The following KAZN variants were observed in gnomAD, a reference collection of about 807,000 sequenced individuals.
The protein encoded by KAZN is kazrin, periplakin interacting protein.
In KAZN, 40 loss-of-function variants were observed where a neutral mutation model predicts 87.4. That is an observed-to-expected ratio of 0.46 (90% CI 0.36 to 0.60). KAZN has a LOEUF of 0.60. KAZN is among the 20% of genes least tolerant of loss of function. The pLI is 0.00. For missense variants in KAZN, 898 were observed against 1,073.9 expected (o/e 0.84, Z 2.29); for synonymous variants, 466 against 458.3 (o/e 1.02, Z -0.22).
At chr1:15,071,183 C>T (rs926260885) in intron 8 of KAZN, among the ~76,000 whole-genome samples, 10 of 152,240 alleles carry the variant, frequency 6.6e-5, no homozygotes, top group African/African-American at 2.4e-4. Flanking sequence ...TAAAATGTCC[C>T]CCTGTGGGCA....
At chr1:15,002,909 G>A (rs1222029994) in intron 2 of KAZN, among the ~76,000 whole-genome samples, 1 of 152,034 alleles carries the variant, frequency 6.6e-6, no homozygotes. Flanking sequence ...TCAGGAGGTG[G>A]AGGTTACAGC....
chr1:14,744,629 G>A lies in KAZN; in HGVS notation c.226+145406G>A, dbSNP rs151063049. On this transcript the variant is annotated intron_variant, in intron 1 of 14. Transcript: ENST00000376030. Reference sequence around the variant, plus strand: ...CATGTGCCTGTAGTCCCAGCTACTCGGGAGGCTGAGGCAGGAAGATCACTT... The same window carrying A: ...CATGTGCCTGTAGTCCCAGCTACTCAGGAGGCTGAGGCAGGAAGATCACTT... Among the ~76,000 whole-genome samples, 359 of 152,190 alleles carry A rather than the reference G, an allele frequency of 2.4e-3. 1 individual carries two copies. Among genetic ancestry groups the A allele is most frequent in the Non-Finnish European group, 2.4e-3 (163 of 67,996 alleles).
At position 14,750,132 on chromosome 1, in the gene KAZN, C is replaced by T. The variant is rs76816786; in HGVS notation, c.226+150909C>T. Among the ~76,000 whole-genome samples the T allele has an allele frequency of 1.8e-4, 28 of 152,154 alleles. No individual in the cohort carries two copies. The East Asian group carries it at 2.3e-3, about 13-fold the overall frequency. On this transcript the variant is annotated intron_variant, in intron 1 of 14. Transcript: ENST00000376030. ...GCGGCCATTGTGAGAAGCTGGGTAA[C>T]GGGCACAGGGTACCTCTCTGGGCTA...
At chr1:14,767,884 A>G (rs1264335867) in intron 1 of KAZN, among the ~76,000 whole-genome samples, 1 of 152,226 alleles carries the variant, frequency 6.6e-6, no homozygotes, top group Non-Finnish European at 1.5e-5. Context: ...ACAGGACTGC[A>G]GAGGGGAAAA....
chr1:14,256,349 C>A (rs1055438458), intron 2 of KAZN, among the ~76,000 whole-genome samples: 1 of 151,980 alleles, frequency 6.6e-6, no homozygotes, highest in Non-Finnish European at 1.5e-5. Context: ...ATATTACCCA[C>A]CCCCGCAACT....
intron 2 of KAZN, among the ~76,000 whole-genome samples, chr1:14,355,014 T>A (rs1181005173): frequency 6.6e-6 from 1 of 151,898 alleles, no homozygotes; most frequent in Admixed American, 6.6e-5. Context: ...TACTGAGCAA[T>A]TAAAAAAAAG....
At chr1:14,278,874 G>A (rs1303861924) in intron 2 of KAZN, among the ~76,000 whole-genome samples, 1 of 139,564 alleles carries the variant, frequency 7.2e-6, no homozygotes, top group Non-Finnish European at 1.5e-5. Context: ...TCCCTCCTCT[G>A]TATTTTCTGT....
chr1:14,743,429 CA>C (rs34732365), intron 1 of KAZN, among the ~76,000 whole-genome samples: 320 of 135,412 alleles, frequency 2.4e-3, no homozygotes, highest in East Asian at 4.6e-3. Flanking sequence ...GACTCTGTCT[CA>C]AAAAAAAAAA....
rs1670613389 is a variant in KAZN, at chr1:15,021,012, GTC to G, written c.419-13733_419-13732del. On this transcript the variant is annotated intron_variant, in intron 2 of 14. Transcript: ENST00000376030. The surrounding 1 kb of genome is among the most constrained non-coding windows in gnomAD (Gnocchi z 4.2). ...CATCTGCCTTCAACAACCCTGCTGT[GTC>G]TCTGTTACGCAGCAGGGGTGAGACC... 6.6e-6 allele frequency among the ~76,000 whole-genome samples: 1 copy of G among 152,184 alleles called. No homozygotes were observed. Among genetic ancestry groups the G allele is most frequent in the East Asian group, 1.9e-4 (1 of 5,196 alleles).
At chr1:14,324,276 C>A (rs1434327741) in intron 2 of KAZN, among the ~76,000 whole-genome samples, 2 of 152,194 alleles carry the variant, frequency 1.3e-5, no homozygotes, top group African/African-American at 4.8e-5. Flanking sequence ...TGGGTTATGG[C>A]AGCACCTAAA....
intron 2 of KAZN, among the ~76,000 whole-genome samples, chr1:14,545,709 G>A (rs75516061): frequency 0.019 from 2,877 of 152,246 alleles, 36 homozygotes; most frequent in Non-Finnish European, 0.029. Flanking sequence ...CTACATGCTC[G>A]TCCAGGTAGA....
intron 2 of KAZN, among the ~76,000 whole-genome samples, chr1:14,215,939 AC>A (rs1169317239): frequency 6.6e-6 from 1 of 152,234 alleles, no homozygotes; most frequent in Non-Finnish European, 1.5e-5. Context: ...CCCAGCTAAA[AC>A]ATACTATATT....
At chr1:15,067,643 T>C (rs1318502002) in intron 8 of KAZN, 3 of 985,446 alleles carry the variant, frequency 3.0e-6, no homozygotes, top group Non-Finnish European at 3.6e-6. Flanking sequence ...TCAGAAGGCA[T>C]AGGACATTGT....
intron 4 of KAZN, among the ~76,000 whole-genome samples, chr1:15,054,421 G>A (rs1464596536): frequency 1.3e-5 from 2 of 152,032 alleles, no homozygotes; most frequent in Non-Finnish European, 1.5e-5. Context: ...AGGCCAAGGC[G>A]GGTGGATCAC....
intron 1 of KAZN, among the ~76,000 whole-genome samples, chr1:13,995,988 A>T (rs924305847): frequency 2.0e-5 from 3 of 152,214 alleles, no homozygotes; most frequent in Admixed American, 1.3e-4. Context: ...AACCATAATA[A>T]GCATGTGAAT....
intron 2 of KAZN, among the ~76,000 whole-genome samples, chr1:14,485,892 CAAA>C (rs1038275850): frequency 4.7e-5 from 4 of 85,530 alleles, no homozygotes; most frequent in East Asian, 3.2e-4. Context: ...GACTCCATCT[CAAA>C]AAAAAAAAAA....
intron 2 of KAZN, among the ~76,000 whole-genome samples, chr1:14,294,498 C>T (rs1394495199): frequency 6.6e-6 from 1 of 151,918 alleles, no homozygotes; most frequent in African/African-American, 2.4e-5. Flanking sequence ...TCCCATTTAA[C>T]AGATGAGGCC....
intron 1 of KAZN, among the ~76,000 whole-genome samples, chr1:13,946,233 T>G (rs1419249972): frequency 6.6e-6 from 1 of 152,180 alleles, no homozygotes; most frequent in Non-Finnish European, 1.5e-5. Context: ...ACAGTCTTAC[T>G]GATAGAAGAG....
At chr1:14,065,141 C>T (rs758591896) in intron 1 of KAZN, among the ~76,000 whole-genome samples, 1 of 152,138 alleles carries the variant, frequency 6.6e-6, no homozygotes, top group African/African-American at 2.4e-5. Flanking sequence ...CAACACAACA[C>T]CTTGGGTAGA....
Sources: gnomAD v4.1 joint callset for allele counts (sites outside exome capture counted in the v4.1 genomes callset) on GRCh38, gnomAD v4.1.1 for gene constraint, Gnocchi (gnomAD v3.1) non-coding constraint, MANE v1.5 for transcripts, NCBI Gene and HGNC (gene_info 2026-07-23, HGNC 2026-07-21) for gene names.